Variants in LHFPL3 observed in about 807,000 individuals in gnomAD.
The protein encoded by LHFPL3 is LHFPL tetraspan subfamily member 3 protein.
A neutral mutation model predicts 19.3 loss-of-function variants in LHFPL3; 5 were observed. The observed-to-expected ratio is 0.26, with a 90% CI of 0.14 to 0.54. The LOEUF is 0.54. Among genes scored for constraint, LHFPL3 ranks in the 20% least tolerant of loss-of-function variants. LHFPL3 has a pLI of 0.94. For missense variants in LHFPL3, 249 were observed against 307.4 expected (o/e 0.81, Z 1.42); for synonymous variants, 133 against 126.2 (o/e 1.05, Z -0.36).
intron 1 of LHFPL3, among the ~76,000 whole-genome samples, chr7:104,724,796 A>T (rs1045360952): frequency 1.4e-5 from 2 of 143,844 alleles, no homozygotes; most frequent in Non-Finnish European, 3.1e-5. Flanking sequence ...AAAGAAAAGA[A>T]AAGGCTGACA....
chr7:104,728,366 G>C (rs574145144), intron 1 of LHFPL3, among the ~76,000 whole-genome samples: 1 of 152,242 alleles, frequency 6.6e-6, no homozygotes, highest in East Asian at 1.9e-4. Flanking sequence ...AACTCAGTGT[G>C]GCTAAGCTAC....
At chr7:104,802,402 G>C (rs550045786) in intron 2 of LHFPL3, among the ~76,000 whole-genome samples, 9 of 151,440 alleles carry the variant, frequency 5.9e-5, no homozygotes, top group Non-Finnish European at 1.2e-4. Context: ...GGCTGAGGTG[G>C]GAGGATTGCT....
chr7:104,730,174 T>C (rs755440027), intron 1 of LHFPL3, among the ~76,000 whole-genome samples: 1 of 152,234 alleles, frequency 6.6e-6, no homozygotes, highest in South Asian at 2.1e-4. Context: ...TTCCAAATCT[T>C]TGCTGTTCTG....
chr7:104,568,682 T>C (rs1358707894), intron 1 of LHFPL3, among the ~76,000 whole-genome samples: 2 of 152,174 alleles, frequency 1.3e-5, no homozygotes, highest in South Asian at 2.1e-4. Flanking sequence ...CTGAGAATCA[T>C]ACTGCCCATC....
At chr7:104,646,146 C>A (rs1215378484) in intron 1 of LHFPL3, among the ~76,000 whole-genome samples, 1 of 152,092 alleles carries the variant, frequency 6.6e-6, no homozygotes, top group Non-Finnish European at 1.5e-5. Context: ...CCTCATTTCC[C>A]AGATTACATA....
chr7:104,534,478 C>T (rs1375152747), intron 1 of LHFPL3, among the ~76,000 whole-genome samples: 1 of 152,220 alleles, frequency 6.6e-6, no homozygotes, highest in African/African-American at 2.4e-5. Context: ...TCTTAGGATC[C>T]ATTACAGTGC....
At chr7:104,693,122 G>T (rs1274540264) in intron 1 of LHFPL3, among the ~76,000 whole-genome samples, 1 of 152,172 alleles carries the variant, frequency 6.6e-6, no homozygotes, top group Admixed American at 6.5e-5. Flanking sequence ...CTGGATTTTT[G>T]ATTTGCATGG....
intron 1 of LHFPL3, among the ~76,000 whole-genome samples, chr7:104,656,970 T>C (rs1273768438): frequency 6.6e-6 from 1 of 152,226 alleles, no homozygotes; most frequent in Non-Finnish European, 1.5e-5. Context: ...AAGAAAAGCA[T>C]GCCTAGCTGG....
intron 2 of LHFPL3, among the ~76,000 whole-genome samples, chr7:104,778,561 C>T (rs981282214): frequency 1.3e-5 from 2 of 152,196 alleles, no homozygotes; most frequent in Non-Finnish European, 2.9e-5. Context: ...ACCATGTGTA[C>T]CTGCAGGAAC....
At chr7:104,861,231 C>G (rs1375323477) in intron 2 of LHFPL3, among the ~76,000 whole-genome samples, 1 of 152,098 alleles carries the variant, frequency 6.6e-6, no homozygotes, top group Non-Finnish European at 1.5e-5. Flanking sequence ...ATTTTGCCCC[C>G]CTAAGAGGAC....
intron 1 of LHFPL3, among the ~76,000 whole-genome samples, chr7:104,581,516 A>G (rs1790461574): frequency 6.6e-6 from 1 of 152,006 alleles, no homozygotes; most frequent in African/African-American, 2.4e-5. Flanking sequence ...AAGGCAGGCT[A>G]ATTTATCAAT....
intron 1 of LHFPL3, among the ~76,000 whole-genome samples, chr7:104,710,883 C>CTATT (rs762020090): frequency 6.6e-6 from 1 of 152,134 alleles, no homozygotes; most frequent in Non-Finnish European, 1.5e-5. Context: ...TTTGTTCAAA[C>CTATT]TATTAATCTC....
At chr7:104,719,347 A>G (rs1051998518) in intron 1 of LHFPL3, among the ~76,000 whole-genome samples, 1 of 152,234 alleles carries the variant, frequency 6.6e-6, no homozygotes. Flanking sequence ...TTTAGCTAAC[A>G]TAAAGCCAAC....
At chr7:104,664,392 G>A (rs1792291852) in intron 1 of LHFPL3, among the ~76,000 whole-genome samples, 1 of 152,092 alleles carries the variant, frequency 6.6e-6, no homozygotes, top group Admixed American at 6.5e-5. Flanking sequence ...ACTTTAAGAT[G>A]TCTCAAATAC....
rs1160616216 is a variant in LHFPL3 at position 104,769,851 on chromosome 7, CAT to C, written c.682+32942_682+32943del. On this transcript the variant is annotated intron_variant, in intron 2 of 2. Transcript: ENST00000424859. Reference sequence around the variant, plus strand: ...TATATGCCGTGGAATACTATGCAGCCATAAAAAAAGGATGAGTTTACGTCATT... The same window carrying C: ...TATATGCCGTGGAATACTATGCAGCCAAAAAAAGGATGAGTTTACGTCATT... 4.1e-5 allele frequency among the ~76,000 whole-genome samples: 3 copies of C among 72,960 alleles called. No homozygotes were observed. In the East Asian group the frequency reaches 1.8e-3, roughly 44 times the overall value. The allele number at this position is 72,960 out of a possible 152,430, so 47.9% of individuals were successfully genotyped here.
chr7:104,338,333 T>C (rs898764607), intron 1 of LHFPL3, among the ~76,000 whole-genome samples: 1 of 152,076 alleles, frequency 6.6e-6, no homozygotes, highest in African/African-American at 2.4e-5. Flanking sequence ...TCTCCTGACC[T>C]CGTGATCTGC....
chr7:104,443,016 T>G (rs1792256976), intron 1 of LHFPL3, among the ~76,000 whole-genome samples: 1 of 152,200 alleles, frequency 6.6e-6, no homozygotes. Context: ...CTGGATCCTC[T>G]CATTGACTTG....
At chr7:104,383,480 T>G (rs1344010956) in intron 1 of LHFPL3, among the ~76,000 whole-genome samples, 1 of 152,228 alleles carries the variant, frequency 6.6e-6, no homozygotes, top group Non-Finnish European at 1.5e-5. Flanking sequence ...TTCAAGATCT[T>G]CGGTTTAACA....
chr7:104,817,003 C>T (rs1790568768), intron 2 of LHFPL3, among the ~76,000 whole-genome samples: 1 of 152,168 alleles, frequency 6.6e-6, no homozygotes, highest in Admixed American at 6.5e-5. Flanking sequence ...GGCTCCCCTG[C>T]AAACCTTCTT....
Sources: allele counts gnomAD v4.1 joint callset (sites outside exome capture counted in the v4.1 genomes callset), GRCh38; gene constraint gnomAD v4.1.1; transcripts MANE v1.5; gene names NCBI Gene and HGNC (gene_info 2026-07-23, HGNC 2026-07-21).